SLCO4A1: variants seen among roughly 807,000 people sequenced by gnomAD.
The protein encoded by SLCO4A1 is solute carrier organic anion transporter family member 4A1.
Under a neutral mutation model 64.6 loss-of-function variants are expected in SLCO4A1, and 51 were observed. That is an observed-to-expected ratio of 0.79 (90% confidence interval 0.63 to 1.00). The LOEUF (loss-of-function observed/expected upper bound fraction) is 1.00. Among genes scored for constraint, SLCO4A1 ranks in the 50% least tolerant of loss-of-function variants. The pLI, the probability that SLCO4A1 is intolerant of heterozygous loss-of-function variation, is 0.00. For missense variants in SLCO4A1, 919 were observed against 980.5 expected, an observed-to-expected ratio of 0.94 and a Z score of 0.84; for synonymous variants, 471 against 444.9, an observed-to-expected ratio of 1.06 and a Z score of -0.74.
In SLCO4A1 at chr20:62,661,969, C is replaced by G. The variant is rs937956020; in HGVS notation, c.1121+794C>G. Among the ~76,000 whole-genome samples, 6 of 152,092 alleles carry G rather than the reference C, an allele frequency of 3.9e-5. No individual in the cohort carries two copies. The highest frequency in any genetic ancestry group is 1.4e-4 in the African/African-American group (6 of 41,414). ...AGGTGGCCCTCAGGGTGGCCACCAC[C>G]CAAGTCCTCAGCGTCTGAGGCCCCA... is the stretch of plus-strand genomic sequence containing the variant. On this transcript the variant is annotated intron_variant, in intron 5 of 11. Coordinates refer to ENST00000217159, the MANE Select transcript of SLCO4A1 (RefSeq NM_016354.4). The surrounding 1 kb of genome is among the most constrained non-coding windows in gnomAD (Gnocchi z 5.2).
intron 2 of SLCO4A1, among the ~76,000 whole-genome samples, chr20:62,677,644 C>T (rs17402840): frequency 0.014 from 2,153 of 152,370 alleles, 22 homozygotes; most frequent in Non-Finnish European, 0.022. Flanking sequence ...TTTCCAACAA[C>T]GGCCACAATA....
At chr20:62,660,287 T>C in intron 3 of SLCO4A1, 125 bp from the exon 4 acceptor site, 1 of 1,127,864 alleles carries the variant, frequency 8.9e-7, no homozygotes, top group Non-Finnish European at 1.2e-6. Context: ...GGGGCCTGTG[T>C]TGACCAGCGT....
downstream of SLCO4A1, among the ~76,000 whole-genome samples, chr20:62,676,137 C>T (rs1340351617): frequency 1.3e-5 from 2 of 152,132 alleles, no homozygotes; most frequent in Admixed American, 1.3e-4. Flanking sequence ...TGAATTCGGC[C>T]GGCTCGCCAG....
intron 7 of SLCO4A1, 28 bp downstream of exon 7, chr20:62,666,603 C>T (rs45557047): frequency 0.014 from 22,489 of 1,600,206 alleles, 462 homozygotes; most frequent in African/African-American, 0.081. Context: ...CCTGGGTACG[C>T]GTCGGGGCCC....
chr20:62,649,507 C>T (rs1443698628), intron 1 of SLCO4A1: 1 of 152,344 alleles, frequency 6.6e-6, no homozygotes, highest in East Asian at 1.9e-4. Context: ...CACATAGCGT[C>T]AGAGGCTGTA....
Position 62,645,032 on chromosome 20 carries a change from T to C in SLCO4A1, c.-97+2479T>C, listed in dbSNP as rs1051753059. Among the ~76,000 whole-genome samples the C allele has an allele frequency of 6.6e-6, 1 of 152,256 alleles. No individual in the cohort carries two copies. The highest frequency in any genetic ancestry group is 1.9e-4 in the East Asian group (1 of 5,196). The stretch of plus-strand genomic sequence containing the variant: ...CATTTGCAAGTGGCAAGGTGCACAC[T>C]GTTGGCTTTTGGACAAGGACATGGG... On this transcript the variant is annotated intron_variant, in intron 1 of 11. Transcript: ENST00000217159. The surrounding 1 kb of genome is among the most constrained non-coding windows in gnomAD (Gnocchi z 4.2).
chr20:62,687,902 A>G (rs552690321), downstream of SLCO4A1, among the ~76,000 whole-genome samples: 28 of 152,036 alleles, frequency 1.8e-4, 1 homozygote, highest in African/African-American at 6.3e-4. Context: ...ACCCCAGGGG[A>G]TCCCCACTCA....
chr20:62,682,162 G>A (rs1306693801), intron 2 of SLCO4A1, among the ~76,000 whole-genome samples: 1 of 152,222 alleles, frequency 6.6e-6, no homozygotes, highest in Non-Finnish European at 1.5e-5. Context: ...ACTGGTGTTA[G>A]CTTGTCAGGG....
Position 62,668,875 on chromosome 20 carries a change from CT to C in SLCO4A1, c.1877-54del. On this transcript the variant is annotated intron_variant, in intron 10 of 11. Transcript: ENST00000217159. ...TCCAGGCCTCTTGGCTGCCTGCCCC[CT>C]GCCTAGCCCCTACCCACCAGGAGTG... The C allele has an allele frequency of 9.0e-6, 14 of 1,561,162 alleles. No individual in the cohort carries two copies. In the South Asian group the frequency reaches 1.6e-4, roughly 18 times the overall value.
rs1014305476 is a variant in SLCO4A1 at position 62,661,411 on chromosome 20, G to A, written c.1121+236G>A. 1.3e-5 allele frequency among the ~76,000 whole-genome samples: 2 copies of A among 151,886 alleles called. No homozygotes were observed. The highest frequency in any genetic ancestry group is 4.8e-5 in the African/African-American group (2 of 41,334). ...AGTCCCAGAGTGGGGCCGGGGCCTC[G>A]GCCCGCACCCAGGGAGCCATCACTT... On this transcript the variant is annotated intron_variant, in intron 5 of 11. Coordinates refer to ENST00000217159, the MANE Select transcript of SLCO4A1 (RefSeq NM_016354.4). This position sits in a 1 kb window ranked among gnomAD's most constrained non-coding sequence, Gnocchi z 5.2.
Position 62,662,002 on chromosome 20 carries a change from G to T in SLCO4A1, c.1121+827G>T, listed in dbSNP as rs539872192. Among the ~76,000 whole-genome samples the T allele has an allele frequency of 2.6e-5, 4 of 152,260 alleles. No homozygotes were observed. The East Asian group carries it at 5.8e-4, about 22-fold the overall frequency. On this transcript the variant is annotated intron_variant, in intron 5 of 11. Coordinates refer to ENST00000217159, the MANE Select transcript of SLCO4A1 (RefSeq NM_016354.4). ...TCAGCGTCTGAGGCCCCAGCACGGG[G>T]AGACTCTTGTGCCCTTGTAGCAGCA...
At chr20:62,646,774 G>A (rs1032040200) in intron 1 of SLCO4A1, among the ~76,000 whole-genome samples, 2 of 152,388 alleles carry the variant, frequency 1.3e-5, no homozygotes, top group Admixed American at 1.3e-4. Flanking sequence ...CCCGTGACCT[G>A]CGTGGCTTGG....
At chr20:62,648,032 G>A (rs1359651278) in intron 1 of SLCO4A1, among the ~76,000 whole-genome samples, 1 of 152,230 alleles carries the variant, frequency 6.6e-6, no homozygotes, top group Non-Finnish European at 1.5e-5. Context: ...CCATACACAG[G>A]CGCACACGCA....
At chr20:62,677,202 A>T (rs574071817), downstream of SLCO4A1, among the ~76,000 whole-genome samples, 1 of 152,332 alleles carries the variant, frequency 6.6e-6, no homozygotes, top group Admixed American at 6.5e-5. Context: ...AATGTTCTGG[A>T]GTTAGATAAC....
intron 6 of SLCO4A1, chr20:62,665,973 C>T (rs112606161): frequency 1.9e-4 from 33 of 178,360 alleles, no homozygotes; most frequent in Admixed American, 9.0e-4. Context: ...TGCAGGGACT[C>T]GGCAGAGGCC....
At chr20:62,668,398 A>G (rs1317367455) in intron 9 of SLCO4A1, 79 bp from the exon 10 acceptor site, 2 of 1,453,636 alleles carry the variant, frequency 1.4e-6, no homozygotes, top group East Asian at 2.3e-5. Context: ...GGACTGGTCC[A>G]GGAGGCCACT....
intron 2 of SLCO4A1, 100 bp downstream of exon 2, chr20:62,657,350 G>A (rs780368691): frequency 2.5e-5 from 28 of 1,139,574 alleles, no homozygotes; most frequent in African/African-American, 9.3e-5. Context: ...CCCTGCCTTC[G>A]TGTACCCCTT....
intron 2 of SLCO4A1, among the ~76,000 whole-genome samples, chr20:62,657,960 C>T (rs997976065): frequency 6.6e-6 from 1 of 152,240 alleles, no homozygotes; most frequent in Non-Finnish European, 1.5e-5. Context: ...GCCCTGGGCC[C>T]CTCACTGGCT....
chr20:62,651,490 G>C (rs1228506867), intron 1 of SLCO4A1: 1 of 152,218 alleles, frequency 6.6e-6, no homozygotes, highest in African/African-American at 2.4e-5. Context: ...CTCATCGTCT[G>C]CGGCCGTCTG....
Sources: gnomAD v4.1 joint callset for allele counts (sites outside exome capture counted in the v4.1 genomes callset) on GRCh38, gnomAD v4.1.1 for gene constraint, Gnocchi (gnomAD v3.1) non-coding constraint, MANE v1.5 for transcripts, NCBI Gene and HGNC (gene_info 2026-07-23, HGNC 2026-07-21) for gene names.